The following RALGAPB variants were observed in gnomAD, a reference collection of about 807,000 sequenced individuals.
RALGAPB encodes Ral GTPase activating protein non-catalytic subunit beta.
A neutral mutation model predicts 161.1 loss-of-function variants in RALGAPB; 25 were observed. The observed-to-expected ratio is 0.16, with a 90% confidence interval of 0.11 to 0.22. The LOEUF (loss-of-function observed/expected upper bound fraction) is 0.22. Among genes scored for constraint, RALGAPB ranks in the 10% least tolerant of loss-of-function variants. The pLI, the probability that RALGAPB is intolerant of heterozygous loss-of-function variation, is 1.00. For missense variants in RALGAPB, 1,391 were observed against 1,815.2 expected (o/e 0.77, Z 4.25); for synonymous variants, 629 against 626.1 (o/e 1.00, Z -0.07).
intron 22 of RALGAPB, among the ~76,000 whole-genome samples, chr20:38,557,708 G>C (rs1432232957): frequency 6.6e-6 from 1 of 152,142 alleles, no homozygotes; most frequent in East Asian, 1.9e-4. Context: ...TTTTTGGGTT[G>C]GTGGTTTATT....
chr20:38,574,077 G>T, intron 28 of RALGAPB, 73 bp from the exon 29 acceptor site: 1 of 1,449,600 alleles, frequency 6.9e-7, no homozygotes. Context: ...CTATATGTGG[G>T]GGACTTCAAC....
intron 27 of RALGAPB, 95 bp downstream of exon 27, chr20:38,570,091 G>C: frequency 4.1e-6 from 4 of 982,920 alleles, no homozygotes; most frequent in African/African-American, 1.6e-5. Context: ...GCCTGGTGTG[G>C]CCAGGAGCTA....
intron 3 of RALGAPB, among the ~76,000 whole-genome samples, chr20:38,494,059 A>G (rs2085346820): frequency 6.6e-6 from 1 of 152,194 alleles, no homozygotes; most frequent in African/African-American, 2.4e-5. Flanking sequence ...TGTGAGGAGA[A>G]GTCCTACCTA....
At chr20:38,486,253 A>G (rs1160034290) in intron 1 of RALGAPB, among the ~76,000 whole-genome samples, 3 of 152,126 alleles carry the variant, frequency 2.0e-5, no homozygotes, top group Non-Finnish European at 4.4e-5. Context: ...GATTACAGGT[A>G]TGAGTCACCA....
At chr20:38,488,693 T>A in intron 2 of RALGAPB, 75 bp downstream of exon 2, 1 of 1,403,862 alleles carries the variant, frequency 7.1e-7, no homozygotes, top group South Asian at 1.4e-5. Flanking sequence ...AATGTTAACT[T>A]TTTTGTTCTT....
chr20:38,537,112 G>A (rs188028270), intron 16 of RALGAPB, among the ~76,000 whole-genome samples: 1 of 152,286 alleles, frequency 6.6e-6, no homozygotes, highest in East Asian at 1.9e-4. Flanking sequence ...TTTACTGTAA[G>A]GCTACAGTAA....
intron 1 of RALGAPB, among the ~76,000 whole-genome samples, chr20:38,473,486 G>A (rs1217430492): frequency 6.6e-6 from 1 of 152,192 alleles, no homozygotes. Flanking sequence ...TTGATGATGG[G>A]AGTAAACAGC....
In RALGAPB at chr20:38,531,208, G is replaced by A. The variant is rs140558161; in HGVS notation, c.2092G>A (p.Ala698Thr). ...TGTTCAAGATTCAGCACTTTTGGAAGCCATTGGTTGCCAGATGGAGATGGT... is the reference window on the plus strand; with the variant it reads ...TGTTCAAGATTCAGCACTTTTGGAAACCATTGGTTGCCAGATGGAGATGGT... Reference protein sequence around the residue: ...NIVQDSALLEAIGCQMEMGGG... With the variant: ...NIVQDSALLETIGCQMEMGGG... Residue 698 changes from alanine (A) to threonine (T), a missense_variant, in exon 14 of 30, where the codon GCC becomes ACC. By Grantham distance (58) the Ala-to-Thr change is moderately conservative. Around this residue, in one of 3 missense-constraint regions of RALGAPB, gnomAD observed 946 missense variants for 1,257.2 expected, o/e 0.75. Transcript: ENST00000262879. The A allele has an allele frequency of 6.2e-7, 1 of 1,609,958 alleles. No individual in the cohort carries two copies. Among genetic ancestry groups the A allele is most frequent in the African/African-American group, 1.3e-5 (1 of 74,910 alleles).
rs189318517 is a variant in RALGAPB at position 38,516,220 on chromosome 20, A to G, written c.901A>G (p.Ile301Val). The stretch of plus-strand genomic sequence containing the variant: ...TCCTGTGGATTTGAGTAACCCAGCT[A>G]TTATAAGCTCTACTCCCAAATTTCA... ...SNPVDLSNPA[I>V]ISSTPKFQEQ... is the part of the protein sequence containing the mutation. Residue 301 changes from isoleucine to valine, a missense_variant, in exon 7 of 30, where the codon ATT (isoleucine) becomes GTT (valine). This residue lies in a region of RALGAPB where 946 missense variants were observed against 1,257.2 expected (regional missense o/e 0.75). Transcript: ENST00000262879. 3.9e-5 allele frequency: 63 copies of G among 1,610,704 alleles called. No individual in the cohort carries two copies. Among genetic ancestry groups the G allele is most frequent in the East Asian group, 1.3e-4 (6 of 44,804 alleles).
intron 1 of RALGAPB, among the ~76,000 whole-genome samples, chr20:38,485,791 T>A (rs1010847186): frequency 6.6e-6 from 1 of 152,168 alleles, no homozygotes; most frequent in Non-Finnish European, 1.5e-5. Flanking sequence ...GTTTTTTCCA[T>A]GTTTGTTTCT....
intron 28 of RALGAPB, among the ~76,000 whole-genome samples, chr20:38,571,194 T>G (rs1601092140): frequency 6.6e-6 from 1 of 152,292 alleles, no homozygotes; most frequent in African/African-American, 2.4e-5. Context: ...TCCTGCCCAC[T>G]TAATTCATTA....
At chr20:38,542,086 G>A (rs1419187536) in intron 18 of RALGAPB, among the ~76,000 whole-genome samples, 1 of 152,194 alleles carries the variant, frequency 6.6e-6, no homozygotes, top group African/African-American at 2.4e-5. Flanking sequence ...TTTGTGGACT[G>A]AATGGAACAG....
intron 2 of RALGAPB, among the ~76,000 whole-genome samples, chr20:38,490,921 G>A (rs887829481): frequency 3.9e-5 from 6 of 152,192 alleles, no homozygotes; most frequent in Non-Finnish European, 7.3e-5. Flanking sequence ...CTGGGATTAC[G>A]GTTGTGGGCC....
At chr20:38,542,857 C>G (rs1199779829) in intron 18 of RALGAPB, among the ~76,000 whole-genome samples, 1 of 151,378 alleles carries the variant, frequency 6.6e-6, no homozygotes, top group Non-Finnish European at 1.5e-5. Flanking sequence ...GAGTGAGATT[C>G]CATCTCAGAA....
intron 1 of RALGAPB, among the ~76,000 whole-genome samples, chr20:38,481,996 C>T: frequency 6.6e-6 from 1 of 151,416 alleles, no homozygotes; most frequent in East Asian, 1.9e-4. Flanking sequence ...GTTAGGAGCA[C>T]TGACCCTGTG....
In RALGAPB at chr20:38,521,545, T is replaced by C. The variant is rs768386975; in HGVS notation, c.1466T>C (p.Met489Thr). Residue 489 changes from methionine to threonine, a missense_variant, in exon 10 of 30, where the codon ATG becomes ACG. By Grantham distance (81) the Met-to-Thr change is moderately conservative. Around this residue, in one of 3 missense-constraint regions of RALGAPB, gnomAD observed 946 missense variants for 1,257.2 expected, o/e 0.75. Coordinates refer to ENST00000262879, the MANE Select transcript of RALGAPB (RefSeq NM_020336.4). ...GAGTTTCGACGGAAAGGGTCACAAA[T>C]GTCCACAGACACCATGGTTTCCAAT... ...SMEFRRKGSQ[M>T]STDTMVSNPM... 5 of 1,614,174 alleles carry C rather than the reference T, an allele frequency of 3.1e-6. No homozygotes were observed. The Admixed American group carries it at 8.3e-5, about 27-fold the overall frequency.
At chr20:38,558,497 T>C in intron 23 of RALGAPB, 44 bp downstream of exon 23, 1 of 1,420,006 alleles carries the variant, frequency 7.0e-7, no homozygotes, top group Non-Finnish European at 9.5e-7. Flanking sequence ...TTTTGTGCTA[T>C]AAATACACGT....
chr20:38,493,832 A>T (rs1444659557), intron 3 of RALGAPB, among the ~76,000 whole-genome samples: 1 of 152,188 alleles, frequency 6.6e-6, no homozygotes, highest in South Asian at 2.1e-4. Context: ...TCAGGTGTAA[A>T]CAGCATACCA....
At chr20:38,570,043 A>G in intron 27 of RALGAPB, 47 bp downstream of exon 27, 1 of 1,471,582 alleles carries the variant, frequency 6.8e-7, no homozygotes, top group Non-Finnish European at 9.5e-7. Context: ...AATATATGAC[A>G]GTGACTTGCT....
Sources: gnomAD v4.1 joint callset for allele counts (sites outside exome capture counted in the v4.1 genomes callset) on GRCh38, gnomAD v4.1.1 for gene constraint, gnomAD v4.1.1 regional missense constraint, MANE v1.5 for transcripts, NCBI Gene and HGNC (gene_info 2026-07-23, HGNC 2026-07-21) for gene names.